The following RBFOX1 variants were observed in gnomAD, a reference collection of about 807,000 sequenced individuals.
RBFOX1 encodes the protein RNA binding protein fox-1 homolog 1.
RBFOX1 carries 8 observed loss-of-function variants against 57.7 expected under a neutral mutation model. The ratio of observed to expected loss-of-function variants is 0.14; its 90% CI spans 0.08 to 0.25. The LOEUF is 0.25. RBFOX1 is among the 10% of genes least tolerant of loss of function. RBFOX1 has a pLI of 1.00. For missense variants in RBFOX1, 611 were observed against 548.5 expected (o/e 1.11, Z -1.14); for synonymous variants, 326 against 222.4 (o/e 1.47, Z -4.15).
intron 7 of RBFOX1, among the ~76,000 whole-genome samples, chr16:7,590,222 G>A (rs914591804): frequency 6.6e-6 from 1 of 151,824 alleles, no homozygotes; most frequent in South Asian, 2.1e-4. Context: ...AGCTATGATT[G>A]CACCACTGCA....
At chr16:7,006,230 C>G (rs573916752) in intron 3 of RBFOX1, among the ~76,000 whole-genome samples, 1 of 152,204 alleles carries the variant, frequency 6.6e-6, no homozygotes, top group Non-Finnish European at 1.5e-5. Context: ...TCTCGGTTCA[C>G]TGCATCCTCT....
intron 1 of RBFOX1, among the ~76,000 whole-genome samples, chr16:5,424,871 TTTTTTTTCTTTC>T (rs1402029277): frequency 0.027 from 3,185 of 118,478 alleles, 89 homozygotes; most frequent in Non-Finnish European, 0.038. Flanking sequence ...TCTTTCTTTC[TTTTTTTTCTTTC>T]TTTCTTTCTT....
intron 2 of RBFOX1, among the ~76,000 whole-genome samples, chr16:5,478,457 A>C (rs1248095283): frequency 6.6e-6 from 1 of 152,228 alleles, no homozygotes; most frequent in Admixed American, 6.5e-5. Context: ...AGCTCTAGAC[A>C]GTGAAAGCCC....
At chr16:6,292,110 A>G (rs893836971) in intron 1 of RBFOX1, among the ~76,000 whole-genome samples, 4 of 152,188 alleles carry the variant, frequency 2.6e-5, no homozygotes, top group Admixed American at 6.5e-5. Flanking sequence ...TAAAGAAACT[A>G]GAAGCCAGGC....
At chr16:5,802,932 C>T (rs767746727) in intron 3 of RBFOX1, among the ~76,000 whole-genome samples, 4 of 152,200 alleles carry the variant, frequency 2.6e-5, no homozygotes, top group Non-Finnish European at 5.9e-5. Context: ...CCATTTCAGG[C>T]AATATGCTTG....
rs138781755 is a variant in RBFOX1, at chr16:5,350,761, G to A, written c.219+110656G>A. 9.8e-5 allele frequency among the ~76,000 whole-genome samples: 15 copies of A among 152,288 alleles called. No homozygotes were observed. In the East Asian group the frequency reaches 2.9e-3, roughly 29 times the overall value. On this transcript the variant is annotated intron_variant, in intron 1 of 2. Coordinates refer to the RBFOX1 transcript ENST00000585867. ...GGCGCCTGTAACCCCAGCTACTCAG[G>A]AGACTGAGGCAGGAGAATCACTTGA...
rs556791399 is a variant in RBFOX1 at position 7,324,690 on chromosome 16, C to A, written c.28-193457C>A. 1.1e-4 allele frequency among the ~76,000 whole-genome samples: 16 copies of A among 152,288 alleles called. No homozygotes were observed. In the East Asian group the frequency reaches 2.7e-3, roughly 26 times the overall value. On this transcript the variant is annotated intron_variant, in intron 4 of 15. Transcript: ENST00000550418. Reference sequence around the variant, plus strand: ...CAAGAGGAGCATGGTGCTGCCTGAACCACTGGGGATTTGAGTTTGTAATGA... The same window carrying A: ...CAAGAGGAGCATGGTGCTGCCTGAAACACTGGGGATTTGAGTTTGTAATGA...
intron 4 of RBFOX1, among the ~76,000 whole-genome samples, chr16:7,220,733 G>T (rs2092664140): frequency 1.3e-5 from 2 of 149,436 alleles, no homozygotes; most frequent in Admixed American, 1.3e-4. Context: ...TTGGATCCTG[G>T]CTGAGTGTGG....
At chr16:7,551,088 CAAAAAAAAAAA>C (rs539169022) in intron 5 of RBFOX1, among the ~76,000 whole-genome samples, 1 of 76,738 alleles carries the variant, frequency 1.3e-5, no homozygotes, top group Non-Finnish European at 2.6e-5. Context: ...GAGCGAGACT[CAAAAAAAAAAA>C]AAAAAAGAAA....
chr16:5,770,621 C>G (rs530439965), intron 3 of RBFOX1, among the ~76,000 whole-genome samples: 1 of 152,030 alleles, frequency 6.6e-6, no homozygotes, highest in Non-Finnish European at 1.5e-5. Context: ...CTAGTAAACA[C>G]GCTTTGCTTT....
chr16:6,567,255 C>T (rs556299970), intron 2 of RBFOX1, among the ~76,000 whole-genome samples: 6 of 152,250 alleles, frequency 3.9e-5, no homozygotes, highest in Non-Finnish European at 5.9e-5. Context: ...CATTCAGATA[C>T]GGTATCTTAT....
rs150720924 is a variant in RBFOX1, at chr16:7,103,545, A to G, written c.27+51447A>G. 5.1e-4 allele frequency among the ~76,000 whole-genome samples: 77 copies of G among 152,218 alleles called. No homozygotes were observed. In the East Asian group the frequency reaches 0.014, roughly 28 times the overall value. Reference sequence around the variant, plus strand: ...AGATGATCAGTGACAAAAGCTGTGTATCAAATGTATAGATAGATTGATAAT... The same window carrying G: ...AGATGATCAGTGACAAAAGCTGTGTGTCAAATGTATAGATAGATTGATAAT... On this transcript the variant is annotated intron_variant, in intron 4 of 15. Coordinates refer to ENST00000550418, the MANE Select transcript of RBFOX1 (RefSeq NM_018723.4).
At chr16:7,129,620 T>G (rs2069647689) in intron 4 of RBFOX1, among the ~76,000 whole-genome samples, 1 of 152,038 alleles carries the variant, frequency 6.6e-6, no homozygotes, top group African/African-American at 2.4e-5. Flanking sequence ...CATCTGATTG[T>G]TGACTAGATC....
chr16:5,878,570 C>A (rs2057678511), intron 4 of RBFOX1, among the ~76,000 whole-genome samples: 1 of 152,182 alleles, frequency 6.6e-6, no homozygotes, highest in South Asian at 2.1e-4. Context: ...TCAACGCAAT[C>A]TTCTCCTGAT....
At chr16:6,724,992 T>G (rs1356794944) in intron 3 of RBFOX1, among the ~76,000 whole-genome samples, 1 of 151,104 alleles carries the variant, frequency 6.6e-6, no homozygotes, top group Non-Finnish European at 1.5e-5. Flanking sequence ...GTATAATGAG[T>G]AATGGGGACA....
intron 4 of RBFOX1, among the ~76,000 whole-genome samples, chr16:7,177,783 G>A (rs757577294): frequency 6.6e-6 from 1 of 152,178 alleles, no homozygotes; most frequent in African/African-American, 2.4e-5. Context: ...CAACTCTTCT[G>A]TTGTAGCACA....
chr16:5,854,699 G>T (rs976549844), intron 3 of RBFOX1, among the ~76,000 whole-genome samples: 1 of 152,122 alleles, frequency 6.6e-6, no homozygotes, highest in African/African-American at 2.4e-5. Context: ...GCGAACATGG[G>T]GGTGCACATA....
At position 6,450,825 on chromosome 16, in the gene RBFOX1, A is replaced by ATGTG. The variant is rs1317681730; in HGVS notation, c.-64+133769_-64+133770insGTGT. 1.6e-3 allele frequency among the ~76,000 whole-genome samples: 24 copies of ATGTG among 14,578 alleles called. 2 individuals carry two copies. Among genetic ancestry groups the ATGTG allele is most frequent in the Non-Finnish European group, 1.8e-3 (17 of 9,490 alleles). The allele number at this position is 14,578 out of a possible 152,430, so 9.6% of individuals were successfully genotyped here. On this transcript the variant is annotated intron_variant, in intron 2 of 15. Transcript: ENST00000550418. ...TGTATATATATATATATACATATAT[A>ATGTG]TATATATATATGTGTATATATATAT... is the stretch of plus-strand genomic sequence containing the variant.
chr16:7,208,265 T>G (rs568329749), intron 4 of RBFOX1, among the ~76,000 whole-genome samples: 71 of 152,222 alleles, frequency 4.7e-4, no homozygotes, highest in Non-Finnish European at 8.2e-4. Flanking sequence ...CTGGCTCCCT[T>G]TGCCTCACAA....
Sources: allele counts gnomAD v4.1 joint callset (sites outside exome capture counted in the v4.1 genomes callset), GRCh38; gene constraint gnomAD v4.1.1; transcripts MANE v1.5; gene names NCBI Gene and HGNC (gene_info 2026-07-23, HGNC 2026-07-21).